The following PHC3 variants were observed in gnomAD, a reference collection of about 807,000 sequenced individuals.
The protein encoded by PHC3 is polyhomeotic-like protein 3.
In PHC3, 13 loss-of-function variants were observed where a neutral mutation model predicts 107.4. That is an observed-to-expected ratio of 0.12 (90% CI 0.08 to 0.19). The LOEUF (loss-of-function observed/expected upper bound fraction) is 0.19. Ranked by LOEUF, PHC3 falls within the 10% of genes least tolerant of loss-of-function variation. PHC3 has a pLI of 1.00. For missense variants in PHC3, 992 were observed against 1,210.9 expected (o/e 0.82, Z 2.68); for synonymous variants, 456 against 427.4 (o/e 1.07, Z -0.83).
chr3:170,099,379 A>T (rs566127801), intron 14 of PHC3, among the ~76,000 whole-genome samples: 53 of 152,144 alleles, frequency 3.5e-4, no homozygotes, highest in Admixed American at 1.1e-3. Context: ...ATAGAAATTT[A>T]AAAAAAAGTG....
intron 10 of PHC3, 27 bp from the exon 11 acceptor site, chr3:170,113,546 G>C (rs1335421539): frequency 6.4e-7 from 1 of 1,567,998 alleles, no homozygotes; most frequent in Non-Finnish European, 8.6e-7. Flanking sequence ...ATAATAAAAT[G>C]AAACAATCTC....
chr3:170,167,493 T>G (rs1728914110), intron 4 of PHC3, among the ~76,000 whole-genome samples: 1 of 152,220 alleles, frequency 6.6e-6, no homozygotes, highest in Admixed American at 6.5e-5. Flanking sequence ...GGCGCAGTAG[T>G]TCACACTTGT....
chr3:170,129,208 G>C lies in PHC3; in HGVS notation c.1264C>G (p.Pro422Ala). The change falls in exon 8 of 15, where the codon CCT becomes GCT. Residue 422 changes from proline (P) to alanine (A), a missense_variant. Pro to Ala is a conservative substitution (Grantham distance 27, BLOSUM62 -1). Transcript: ENST00000495893. ...PPPPHSPSQS[P>A]TIIIHPQALI... ...GCTTGTGGATGAATAATTATAGTAG[G>C]AGACTGACTTGGTGAATGAGGTGGT... 1 of 1,613,944 alleles carries C rather than the reference G, an allele frequency of 6.2e-7. No individual in the cohort carries two copies.
At chr3:170,098,510 T>C (rs1048793040) in intron 14 of PHC3, among the ~76,000 whole-genome samples, 2 of 152,318 alleles carry the variant, frequency 1.3e-5, no homozygotes, top group Admixed American at 6.5e-5. Context: ...CTCTTGTTTA[T>C]GTAAGATTAT....
At chr3:170,176,944 G>A in intron 2 of PHC3, 2 of 453,554 alleles carry the variant, frequency 4.4e-6, no homozygotes, top group South Asian at 3.1e-5. Context: ...AATGAAAATG[G>A]AATTCAAACA....
At position 170,117,444 on chromosome 3, in the gene PHC3, TG is replaced by T. The variant is rs1560044300; in HGVS notation, c.1974del (p.Ser659ValfsTer4). On this transcript the variant is annotated frameshift_variant, in exon 10 of 15. Transcript: ENST00000495893. LOFTEE classifies it high-confidence loss of function. ...GATGGAGATTTAATTACTGAAGCACTGACTGATGCCACAGCAGGTAATTCCA... is the reference window on the plus strand; with the variant it reads ...GATGGAGATTTAATTACTGAAGCACTACTGATGCCACAGCAGGTAATTCCA... ...EQVELPAVAS[V>X]SASVIKSPSD... 1 of 1,613,482 alleles carries T rather than the reference TG, an allele frequency of 6.2e-7. No homozygotes were observed. The highest frequency in any genetic ancestry group is 2.2e-5 in the East Asian group (1 of 44,834).
At chr3:170,129,650 A>C in intron 7 of PHC3, 98 bp from the exon 8 acceptor site, 4 of 1,215,544 alleles carry the variant, frequency 3.3e-6, no homozygotes, top group Non-Finnish European at 4.6e-6. Context: ...GAAGGTCATA[A>C]TCATCAGAAT....
chr3:170,123,665 C>T (rs1262493561), intron 8 of PHC3, among the ~76,000 whole-genome samples: 1 of 150,316 alleles, frequency 6.7e-6, no homozygotes, highest in Non-Finnish European at 1.5e-5. Context: ...TGGTGGCGGG[C>T]GCCTGTAGTT....
At chr3:170,122,022 G>A (rs1277325294) in intron 9 of PHC3, among the ~76,000 whole-genome samples, 1 of 152,132 alleles carries the variant, frequency 6.6e-6, no homozygotes, top group African/African-American at 2.4e-5. Context: ...GGAAGCCGAG[G>A]CAAGCGGATC....
intron 2 of PHC3, among the ~76,000 whole-genome samples, chr3:170,175,429 G>A (rs1341229993): frequency 6.6e-6 from 1 of 151,940 alleles, no homozygotes; most frequent in East Asian, 2.0e-4. Flanking sequence ...CTTAAAGCCA[G>A]AAGGTCAAGA....
chr3:170,146,884 T>C (rs190458468), intron 5 of PHC3, among the ~76,000 whole-genome samples: 164 of 143,500 alleles, frequency 1.1e-3, no homozygotes, highest in African/African-American at 1.5e-3. Context: ...TTTCTTTTTT[T>C]TTTTTTTTTT....
In PHC3 at chr3:170,087,842, C is replaced by T. The variant is rs1713645304; in HGVS notation, c.*9388G>A. Reference sequence around the variant, plus strand: ...GTTGCCATCAACAAACATTTAAATGCTCAATTTACTTCACTGAATACAGAC... The same window carrying T: ...GTTGCCATCAACAAACATTTAAATGTTCAATTTACTTCACTGAATACAGAC... On this transcript the variant is annotated 3_prime_UTR_variant, in exon 15 of 15. Transcript: ENST00000495893. 1 of 152,104 alleles carries T rather than the reference C, an allele frequency of 6.6e-6. No homozygotes were observed. The highest frequency in any genetic ancestry group is 2.1e-4 in the South Asian group (1 of 4,824). The allele number at this position is 152,104 out of a possible 1,614,324, so 9.4% of individuals were successfully genotyped here.
intron 6 of PHC3, among the ~76,000 whole-genome samples, chr3:170,137,885 G>A (rs763370978): frequency 1.2e-3 from 180 of 152,208 alleles, no homozygotes; most frequent in Non-Finnish European, 1.7e-3. Context: ...GCAACAGAGC[G>A]AGACTCTGTC....
chr3:170,151,211 A>C (rs1725913560), intron 4 of PHC3, among the ~76,000 whole-genome samples: 2 of 152,188 alleles, frequency 1.3e-5, no homozygotes, highest in South Asian at 4.1e-4. Flanking sequence ...ACTCTGTCTC[A>C]AATACTAGTA....
At chr3:170,157,537 C>T (rs1182806167) in intron 4 of PHC3, among the ~76,000 whole-genome samples, 1 of 152,214 alleles carries the variant, frequency 6.6e-6, no homozygotes, top group Admixed American at 6.5e-5. Context: ...AAGGCTTCTA[C>T]ACCCAATCAC....
At chr3:170,133,360 G>C (rs1431695111) in intron 7 of PHC3, among the ~76,000 whole-genome samples, 1 of 151,962 alleles carries the variant, frequency 6.6e-6, no homozygotes. Context: ...TGTATTTTTA[G>C]TAGAGACGGG....
chr3:170,127,508 A>G (rs1365621301), intron 8 of PHC3, among the ~76,000 whole-genome samples: 2 of 120,068 alleles, frequency 1.7e-5, no homozygotes, highest in African/African-American at 6.2e-5. Flanking sequence ...GTATAATTCA[A>G]TCTCTGTGCC....
rs574352286 is a variant in PHC3, at chr3:170,091,121, A to G, written c.*6109T>C. Reference sequence around the variant, plus strand: ...TTAAAGCTCCACAAAGCTTGGATTTAACACTGATAATATTCCATGAAATAT... The same window carrying G: ...TTAAAGCTCCACAAAGCTTGGATTTGACACTGATAATATTCCATGAAATAT... On this transcript the variant is annotated 3_prime_UTR_variant, in exon 15 of 15. Coordinates refer to ENST00000495893, the MANE Select transcript of PHC3 (RefSeq NM_024947.4). 6.6e-6 allele frequency: 1 copy of G among 152,294 alleles called. No homozygotes were observed. Among genetic ancestry groups the G allele is most frequent in the African/African-American group, 2.4e-5 (1 of 41,550 alleles). The allele number at this position is 152,294 out of a possible 1,614,324, so 9.4% of individuals were successfully genotyped here.
chr3:170,114,027 C>A (rs1289793447), intron 10 of PHC3, among the ~76,000 whole-genome samples: 1 of 151,640 alleles, frequency 6.6e-6, no homozygotes, highest in Admixed American at 6.6e-5. Flanking sequence ...AGCGTTTTTT[C>A]TTTCTTTCTT....
Sources: allele counts gnomAD v4.1 joint callset (sites outside exome capture counted in the v4.1 genomes callset), GRCh38; gene constraint gnomAD v4.1.1; transcripts MANE v1.5; gene names NCBI Gene and HGNC (gene_info 2026-07-23, HGNC 2026-07-21).